BNC2: variants seen among roughly 807,000 people sequenced by gnomAD.
BNC2 encodes the protein basonuclin zinc finger protein 2.
Under a neutral mutation model 76.3 loss-of-function variants are expected in BNC2, and 20 were observed. The observed-to-expected ratio is 0.26, with a 90% CI of 0.18 to 0.38. The LOEUF is 0.38. Ranked by LOEUF, BNC2 falls within the 10% of genes least tolerant of loss-of-function variation. The pLI is 1.00. For missense variants in BNC2, 1,382 were observed against 1,399.8 expected (o/e 0.99, Z 0.20); for synonymous variants, 582 against 514.8 (o/e 1.13, Z -1.77).
intron 1 of BNC2, among the ~76,000 whole-genome samples, chr9:16,817,663 G>A (rs1431546017): frequency 2.6e-5 from 4 of 152,276 alleles, no homozygotes; most frequent in Non-Finnish European, 5.9e-5. Context: ...GCCAGAGTAT[G>A]GTTTAACGTG....
Position 16,436,853 on chromosome 9 carries a change from C to A in BNC2, c.1341G>T (p.Gly447=). 1.2e-6 allele frequency: 2 copies of A among 1,614,086 alleles called. No individual in the cohort carries two copies. The highest frequency in any genetic ancestry group is 1.7e-6 in the Non-Finnish European group (2 of 1,180,016). The part of the protein sequence containing the change: ...RKGRVFCNAC[G]KTFYDKGTLK... The stretch of plus-strand genomic sequence containing the variant: ...GAGTACCTTTGTCATAGAATGTCTT[C>A]CCACATGCATTACAGAACACTCTTC... The change falls in exon 6 of 7, where the codon GGG becomes GGT. Residue 447 remains glycine, a synonymous_variant. Coordinates refer to ENST00000380672, the MANE Select transcript of BNC2 (RefSeq NM_017637.6).
At chr9:16,685,547 G>C in intron 3 of BNC2, 1 of 1,303,854 alleles carries the variant, frequency 7.7e-7, no homozygotes, top group Non-Finnish European at 1.0e-6. Context: ...ACTCTAACCT[G>C]GACTTCCAGC....
chr9:16,534,946 T>C (rs1818083609), intron 5 of BNC2, among the ~76,000 whole-genome samples: 6 of 152,188 alleles, frequency 3.9e-5, no homozygotes, highest in Admixed American at 1.3e-4. Context: ...GAATCAAATA[T>C]TCATATTCTT....
chr9:16,640,017 G>A (rs1821446070), intron 3 of BNC2, among the ~76,000 whole-genome samples: 1 of 151,534 alleles, frequency 6.6e-6, no homozygotes, highest in African/African-American at 2.4e-5. Flanking sequence ...GATTTTTACA[G>A]ATCTATGAAC....
At chr9:16,539,735 AAAGGG>A (rs1280214347) in intron 5 of BNC2, among the ~76,000 whole-genome samples, 4 of 105,868 alleles carry the variant, frequency 3.8e-5, no homozygotes, top group East Asian at 2.7e-4. Flanking sequence ...GAAAAGAGGG[AAAGGG>A]AAGGGAAGGG....
At chr9:16,647,330 C>A (rs1157100853) in intron 3 of BNC2, among the ~76,000 whole-genome samples, 1 of 151,876 alleles carries the variant, frequency 6.6e-6, no homozygotes, top group Non-Finnish European at 1.5e-5. Context: ...AGAGAATTGG[C>A]GGAATGTGTG....
intron 5 of BNC2, among the ~76,000 whole-genome samples, chr9:16,530,400 C>T (rs1271829635): frequency 6.6e-6 from 1 of 152,142 alleles, no homozygotes; most frequent in Non-Finnish European, 1.5e-5. Flanking sequence ...CATTTCTCTA[C>T]TCCACATTTC....
intron 1 of BNC2, among the ~76,000 whole-genome samples, chr9:16,796,576 A>G (rs1470118764): frequency 7.7e-6 from 1 of 130,332 alleles, no homozygotes; most frequent in African/African-American, 4.2e-5. Flanking sequence ...CGTCTCAAAA[A>G]AAAAAGAAAG....
chr9:16,612,687 C>T (rs1161849495), intron 3 of BNC2, among the ~76,000 whole-genome samples: 1 of 152,106 alleles, frequency 6.6e-6, no homozygotes, highest in Non-Finnish European at 1.5e-5. Context: ...CCACAAATAA[C>T]TATACTATAA....
intron 3 of BNC2, among the ~76,000 whole-genome samples, chr9:16,593,038 G>C (rs902093064): frequency 5.9e-5 from 9 of 151,756 alleles, no homozygotes; most frequent in Non-Finnish European, 2.9e-5. Flanking sequence ...AAACTTCTCA[G>C]TTATGATGCT....
In BNC2 at chr9:16,677,578, AAC is replaced by A. The variant is rs57587457; in HGVS notation, c.330+50217_330+50218del. ...ACAAAGCTAGACTTTGTCTCAAACA[AAC>A]ACACACACACACACACACACACACA... On this transcript the variant is annotated intron_variant, in intron 3 of 6. Coordinates refer to ENST00000380672, the MANE Select transcript of BNC2 (RefSeq NM_017637.6). Among the ~76,000 whole-genome samples the A allele has an allele frequency of 2.0e-3, 279 of 139,030 alleles. 1 individual carries two copies. Among genetic ancestry groups the A allele is most frequent in the African/African-American group, 5.7e-3 (202 of 35,520 alleles). The allele number at this position is 139,030 out of a possible 152,430, so 91.2% of individuals were successfully genotyped here.
rs1822743893 is a variant in BNC2, at chr9:16,679,010, A to ATC, written c.330+48786_330+48787insGA. ...ACAACATGGATGGGCCCAAAGTGTC[A>ATC]GAGGCTCTCACAGGAACATTCGTAT... On this transcript the variant is annotated intron_variant, in intron 3 of 6. Coordinates refer to ENST00000380672, the MANE Select transcript of BNC2 (RefSeq NM_017637.6). Among the ~76,000 whole-genome samples the ATC allele has an allele frequency of 2.0e-5, 3 of 152,210 alleles. No individual in the cohort carries two copies. In the South Asian group the frequency reaches 6.2e-4, roughly 31 times the overall value.
chr9:16,543,095 G>A (rs1465924191), intron 5 of BNC2, among the ~76,000 whole-genome samples: 1 of 152,096 alleles, frequency 6.6e-6, no homozygotes, highest in Admixed American at 6.6e-5. Context: ...AAACGTATGG[G>A]CAACTGGAAG....
chr9:16,503,130 G>T (rs1470288290), intron 5 of BNC2, among the ~76,000 whole-genome samples: 1 of 152,102 alleles, frequency 6.6e-6, no homozygotes, highest in African/African-American at 2.4e-5. Flanking sequence ...AAGAAAAACA[G>T]AAAAGAATAT....
chr9:16,465,434 CA>C (rs34834563), intron 5 of BNC2, among the ~76,000 whole-genome samples: 1,564 of 84,260 alleles, frequency 0.019, 22 homozygotes, highest in African/African-American at 0.048. Context: ...ACTCCAACTC[CA>C]AAAAAAAAAA....
At chr9:16,551,895 T>C (rs886139666) in intron 5 of BNC2, among the ~76,000 whole-genome samples, 4 of 152,080 alleles carry the variant, frequency 2.6e-5, no homozygotes, top group East Asian at 3.9e-4. Context: ...AGAAGTGCCA[T>C]TGACACAAAG....
intron 3 of BNC2, among the ~76,000 whole-genome samples, chr9:16,644,684 G>A (rs1039212459): frequency 6.6e-6 from 1 of 152,188 alleles, no homozygotes; most frequent in African/African-American, 2.4e-5. Context: ...TTAACACAGT[G>A]TCAGTCTAAG....
At chr9:16,671,839 A>T (rs1822486949) in intron 3 of BNC2, among the ~76,000 whole-genome samples, 1 of 152,178 alleles carries the variant, frequency 6.6e-6, no homozygotes, top group Non-Finnish European at 1.5e-5. Flanking sequence ...ACAGACCCAA[A>T]CTCCACCAAA....
intron 6 of BNC2, chr9:16,430,046 T>C: frequency 4.1e-6 from 2 of 482,696 alleles, no homozygotes; most frequent in Non-Finnish European, 8.3e-6. Flanking sequence ...TTTATCTTAC[T>C]ACCAAAGTTT....
Sources: gnomAD v4.1 joint callset for allele counts (sites outside exome capture counted in the v4.1 genomes callset) on GRCh38, gnomAD v4.1.1 for gene constraint, MANE v1.5 for transcripts, NCBI Gene and HGNC (gene_info 2026-07-23, HGNC 2026-07-21) for gene names.